Variants in HSF2BP observed in about 807,000 individuals in gnomAD.
HSF2BP encodes the protein heat shock factor 2-binding protein.
In HSF2BP, 35 loss-of-function variants were observed where a neutral mutation model predicts 35.0. The ratio of observed to expected loss-of-function variants is 1.00; its 90% CI spans 0.76 to 1.32. The LOEUF is 1.32. Among genes scored for constraint, HSF2BP ranks in the 40% most tolerant of loss-of-function variants. HSF2BP has a pLI of 0.00. For synonymous variants in HSF2BP, 114 were observed against 117.4 expected (o/e 0.97, Z 0.18); for missense variants, 326 against 321.7 (o/e 1.01, Z -0.10).
intron 4 of HSF2BP, among the ~76,000 whole-genome samples, chr21:43,636,894 CAAAAAAA>C (rs34578952): frequency 3.6e-5 from 4 of 112,058 alleles, no homozygotes; most frequent in South Asian, 2.8e-4. Context: ...CGTCTCAAAA[CAAAAAAA>C]AAAAAAAAAA....
Position 43,658,200 on chromosome 21 carries a change from G to C in HSF2BP, c.-104C>G. ...ATCCACGCCGGGGGTCGGGAACGGA[G>C]AGCCGCCAGGCCCAAACCTCCCAGA... On this transcript the variant is annotated 5_prime_UTR_variant, in exon 2 of 9. Transcript: ENST00000291560. 2 of 1,323,952 alleles carry C rather than the reference G, an allele frequency of 1.5e-6. No individual in the cohort carries two copies. The highest frequency in any genetic ancestry group is 2.0e-6 in the Non-Finnish European group (2 of 999,540). The allele number at this position is 1,323,952 out of a possible 1,614,324, so 82.0% of individuals were successfully genotyped here.
chr21:43,592,440 T>A, intron 7 of HSF2BP, 112 bp from the exon 8 acceptor site: 1 of 667,668 alleles, frequency 1.5e-6, no homozygotes, highest in Non-Finnish European at 2.7e-6. Flanking sequence ...CCTCACATTT[T>A]AGATGTCCAA....
chr21:43,587,898 C>T (rs11910351), intron 8 of HSF2BP, among the ~76,000 whole-genome samples: 6,797 of 152,170 alleles, frequency 0.045, 509 homozygotes, highest in African/African-American at 0.15. Flanking sequence ...TTCACTCACC[C>T]CCGGAAACTT....
At chr21:43,604,446 GCACACACCACA>G (rs2082095230) in intron 7 of HSF2BP, among the ~76,000 whole-genome samples, 1 of 51,148 alleles carries the variant, frequency 2.0e-5, no homozygotes, top group Non-Finnish European at 3.8e-5. Flanking sequence ...CACACACCAC[GCACACACCACA>G]CACACAACAC....
Position 43,617,168 on chromosome 21 carries a change from T to C in HSF2BP, c.575-3221A>G, listed in dbSNP as rs144239912. ...GAGCAAGATAAATGTTAAGACTTTA[T>C]ATTTTGAGGAGGTTTGTTACACAGC... On this transcript the variant is annotated intron_variant, in intron 6 of 8. Transcript: ENST00000291560. 3.8e-3 allele frequency among the ~76,000 whole-genome samples: 579 copies of C among 152,196 alleles called. 8 individuals are homozygous for C. The highest frequency in any genetic ancestry group is 0.03 in the Admixed American group (465 of 15,286).
intron 8 of HSF2BP, 52 bp downstream of exon 8, chr21:43,592,173 G>T: frequency 8.4e-7 from 1 of 1,194,320 alleles, no homozygotes; most frequent in Non-Finnish European, 1.3e-6. Context: ...GGATAAGGGA[G>T]GACTACTGCA....
intron 6 of HSF2BP, among the ~76,000 whole-genome samples, chr21:43,629,289 A>T (rs2146991546): frequency 6.6e-6 from 1 of 152,316 alleles, no homozygotes; most frequent in East Asian, 1.9e-4. Flanking sequence ...GATTCAGCCA[A>T]GCGCAGTGGC....
chr21:43,633,560 C>T, intron 4 of HSF2BP, 139 bp from the exon 5 acceptor site: 1 of 763,902 alleles, frequency 1.3e-6, no homozygotes, highest in Non-Finnish European at 2.0e-6. Flanking sequence ...GAAAGCTAGT[C>T]CTAAGAGAAC....
At chr21:43,616,725 A>G (rs1349099879) in intron 6 of HSF2BP, among the ~76,000 whole-genome samples, 1 of 152,190 alleles carries the variant, frequency 6.6e-6, no homozygotes, top group Non-Finnish European at 1.5e-5. Context: ...CGCGGTCTGG[A>G]GATCAAGATC....
At chr21:43,578,584 G>A (rs1200692863) in intron 8 of HSF2BP, among the ~76,000 whole-genome samples, 1 of 152,128 alleles carries the variant, frequency 6.6e-6, no homozygotes, top group Non-Finnish European at 1.5e-5. Flanking sequence ...TCCATGCTGC[G>A]ACGAGCTCGG....
intron 6 of HSF2BP, 141 bp downstream of exon 6, chr21:43,630,181 T>A: frequency 1.6e-6 from 1 of 614,914 alleles, no homozygotes; most frequent in Non-Finnish European, 2.7e-6. Context: ...TACAACAGAC[T>A]ACAGTATAGT....
chr21:43,600,254 T>C (rs943518180), intron 7 of HSF2BP, among the ~76,000 whole-genome samples: 3 of 152,178 alleles, frequency 2.0e-5, no homozygotes, highest in African/African-American at 7.2e-5. Flanking sequence ...AAAGAAAATA[T>C]AACTTGCAAC....
the HSF2BP span, among the ~76,000 whole-genome samples, chr21:43,505,455 C>T: frequency 3.0e-5 from 3 of 99,452 alleles, 1 homozygote; most frequent in East Asian, 2.3e-4. Flanking sequence ...GCGTGCAGCA[C>T]GCCATGAAGT....
chr21:43,467,743 C>T, the HSF2BP span, among the ~76,000 whole-genome samples: 4 of 89,120 alleles, frequency 4.5e-5, no homozygotes, highest in African/African-American at 2.1e-4. Context: ...ACACCACAAA[C>T]CACACACCAC....
intron 4 of HSF2BP, among the ~76,000 whole-genome samples, chr21:43,640,454 G>A (rs1026383259): frequency 1.8e-4 from 28 of 152,230 alleles, no homozygotes; most frequent in African/African-American, 6.3e-4. Context: ...GGAGCCTTAC[G>A]GCAATGGTAC....
At position 43,658,156 on chromosome 21, in the gene HSF2BP, C is replaced by G; in HGVS notation, c.-60G>C. On this transcript the variant is annotated 5_prime_UTR_variant, in exon 2 of 9. Coordinates refer to ENST00000291560, the MANE Select transcript of HSF2BP (RefSeq NM_007031.2). The stretch of plus-strand genomic sequence containing the variant: ...TCGGCGCGCCCTCTGACCCCTCACG[C>G]CAGAAAGCGCGGGAACGAATCCACG... 2 of 1,461,348 alleles carry G rather than the reference C, an allele frequency of 1.4e-6. No homozygotes were observed. The highest frequency in any genetic ancestry group is 2.7e-5 in the South Asian group (2 of 74,252). The allele number at this position is 1,461,348 out of a possible 1,614,324, so 90.5% of individuals were successfully genotyped here. A position where few individuals can be genotyped will look rare whatever the true frequency, so the allele number is the denominator to read the frequency against.
In HSF2BP at chr21:43,633,327, G is replaced by A. The variant is rs747447097; in HGVS notation, c.386C>T (p.Thr129Ile). 2 of 1,614,098 alleles carry A rather than the reference G, an allele frequency of 1.2e-6. No homozygotes were observed. The highest frequency in any genetic ancestry group is 1.7e-6 in the Non-Finnish European group (2 of 1,179,994). ...ACTGCTGGAGACACCCCACAAGAGG[G>A]TACACGCTGCTGCTCCCATTTCTGT... ...YCTEMGAAAC[T>I]LLWGVSSSEE... is the part of the protein sequence containing the mutation. Residue 129 changes from threonine (T) to isoleucine (I), a missense_variant, in exon 5 of 9, where the codon ACC becomes ATC. Thr to Ile is a moderately conservative substitution (Grantham distance 89). Coordinates refer to ENST00000291560, the MANE Select transcript of HSF2BP (RefSeq NM_007031.2).
In HSF2BP at chr21:43,618,545, A is replaced by G. The variant is rs147738568; in HGVS notation, c.575-4598T>C. Among the ~76,000 whole-genome samples, 234 of 152,262 alleles carry G rather than the reference A, an allele frequency of 1.5e-3. 2 individuals carry two copies. The East Asian group carries it at 0.032, about 21-fold the overall frequency. ...AATAATCTTTTGAACAAATGGTGCT[A>G]AAACAACTGGATATCCACATGCAAA... On this transcript the variant is annotated intron_variant, in intron 6 of 8. Transcript: ENST00000291560.
intron 5 of HSF2BP, 99 bp from the exon 6 acceptor site, chr21:43,630,553 G>A (rs143866318): frequency 4.2e-4 from 570 of 1,361,424 alleles, no homozygotes; most frequent in Non-Finnish European, 5.3e-4. Flanking sequence ...TTTAATTGTA[G>A]AATATTGTAA....
Sources: gnomAD v4.1 joint callset for allele counts (sites outside exome capture counted in the v4.1 genomes callset) on GRCh38, gnomAD v4.1.1 for gene constraint, MANE v1.5 for transcripts, NCBI Gene and HGNC (gene_info 2026-07-23, HGNC 2026-07-21) for gene names.